The following ARMH3 variants were observed in gnomAD, a reference collection of about 807,000 sequenced individuals.
The protein encoded by ARMH3 is armadillo like helical domain containing 3.
A neutral mutation model predicts 99.1 loss-of-function variants in ARMH3; 60 were observed. That is an observed-to-expected ratio of 0.61 (90% confidence interval 0.49 to 0.75). The LOEUF is 0.75. Ranked by LOEUF, ARMH3 falls within the 30% of genes least tolerant of loss-of-function variation. The pLI, the probability that ARMH3 is intolerant of heterozygous loss-of-function variation, is 0.00. For synonymous variants in ARMH3, 285 were observed against 292.8 expected (o/e 0.97, Z 0.27); for missense variants, 679 against 843.1 (o/e 0.81, Z 2.41).
At chr10:101,942,091 A>C (rs1332411399) in intron 22 of ARMH3, among the ~76,000 whole-genome samples, 1 of 152,184 alleles carries the variant, frequency 6.6e-6, no homozygotes, top group East Asian at 1.9e-4. Context: ...TTTCCTTTGG[A>C]AACACCATTG....
intron 24 of ARMH3, among the ~76,000 whole-genome samples, chr10:101,880,242 T>G (rs759681085): frequency 6.6e-6 from 1 of 152,226 alleles, no homozygotes; most frequent in East Asian, 1.9e-4. Context: ...CTTCAGCACA[T>G]GTCTCTGCCA....
intron 1 of ARMH3, among the ~76,000 whole-genome samples, chr10:102,040,419 C>T (rs2067382779): frequency 6.6e-6 from 1 of 152,150 alleles, no homozygotes; most frequent in Non-Finnish European, 1.5e-5. Flanking sequence ...AACCTAAAAA[C>T]AGCTCTAAAA....
intron 23 of ARMH3, among the ~76,000 whole-genome samples, chr10:101,920,013 C>G (rs1843242915): frequency 6.6e-6 from 1 of 152,170 alleles, no homozygotes; most frequent in African/African-American, 2.4e-5. Context: ...CCAGCTAATC[C>G]TAGATCAGGC....
In ARMH3 at chr10:102,025,168, AAGG is replaced by A. The variant is rs1292844912; in HGVS notation, c.492_494del (p.Leu165del). The A allele has an allele frequency of 1.2e-6, 2 of 1,613,248 alleles. No individual in the cohort carries two copies. The highest frequency in any genetic ancestry group is 1.7e-6 in the Non-Finnish European group (2 of 1,179,418). ...ATAGGTCACTTACGGTCACTAAGCA[AAGG>A]AGAAGTTTCAGACATAAACTCTTCA... On this transcript the variant is annotated inframe_deletion, in exon 6 of 26. Transcript: ENST00000370033.
chr10:101,971,091 T>C (rs1198605519), intron 20 of ARMH3, among the ~76,000 whole-genome samples: 2 of 95,572 alleles, frequency 2.1e-5, no homozygotes, highest in Non-Finnish European at 1.9e-5. Flanking sequence ...AGTGAGACCG[T>C]CTCCAAAAAA....
intron 19 of ARMH3, among the ~76,000 whole-genome samples, chr10:101,985,215 T>C (rs1370890099): frequency 1.4e-4 from 20 of 147,518 alleles, no homozygotes; most frequent in Admixed American, 3.4e-4. Context: ...CGTATATATG[T>C]ATATATATAC....
intron 1 of ARMH3, among the ~76,000 whole-genome samples, chr10:102,042,154 C>G (rs930561632): frequency 6.6e-6 from 1 of 152,150 alleles, no homozygotes; most frequent in African/African-American, 2.4e-5. Flanking sequence ...AACATGTTGT[C>G]AAGAGGAAGA....
At chr10:102,041,090 A>ATT (rs1554897209) in intron 1 of ARMH3, among the ~76,000 whole-genome samples, 4 of 132,640 alleles carry the variant, frequency 3.0e-5, no homozygotes, top group East Asian at 2.1e-4. Flanking sequence ...ATATATATAT[A>ATT]ATATATATAT....
chr10:101,995,048 C>T (rs964429254), intron 16 of ARMH3, among the ~76,000 whole-genome samples: 1 of 152,268 alleles, frequency 6.6e-6, no homozygotes, highest in Admixed American at 6.5e-5. Flanking sequence ...AACAAACAAA[C>T]AAACAAACTG....
At chr10:102,036,643 G>A (rs1367554722) in intron 2 of ARMH3, among the ~76,000 whole-genome samples, 1 of 152,036 alleles carries the variant, frequency 6.6e-6, no homozygotes, top group African/African-American at 2.4e-5. Flanking sequence ...GGCGGTGCAA[G>A]ATGTGCTTTG....
intron 2 of ARMH3, among the ~76,000 whole-genome samples, chr10:102,037,566 T>C (rs556001041): frequency 2.6e-5 from 4 of 152,034 alleles, no homozygotes; most frequent in South Asian, 2.1e-4. Context: ...AAATTAATTA[T>C]TTATTTTATT....
chr10:102,012,723 G>C (rs951816076), intron 10 of ARMH3, 110 bp downstream of exon 10: 6 of 1,021,668 alleles, frequency 5.9e-6, no homozygotes, highest in Admixed American at 4.9e-5. Flanking sequence ...CTGTACATCT[G>C]AATACTCTTA....
At chr10:101,938,894 C>T (rs1024593308) in intron 23 of ARMH3, among the ~76,000 whole-genome samples, 1 of 152,208 alleles carries the variant, frequency 6.6e-6, no homozygotes, top group African/African-American at 2.4e-5. Context: ...CATCCCAGCC[C>T]TCTTAACACA....
intron 23 of ARMH3, among the ~76,000 whole-genome samples, chr10:101,909,414 CAAA>C (rs1232777837): frequency 1.1e-4 from 8 of 72,348 alleles, no homozygotes; most frequent in Non-Finnish European, 1.1e-4. Context: ...AACCCTATCT[CAAA>C]AAAAAAAAAA....
intron 24 of ARMH3, among the ~76,000 whole-genome samples, chr10:101,858,304 A>G (rs2066780857): frequency 6.6e-6 from 1 of 152,232 alleles, no homozygotes; most frequent in South Asian, 2.1e-4. Context: ...GCCTGGACTC[A>G]TATCCTATCT....
intron 20 of ARMH3, among the ~76,000 whole-genome samples, chr10:101,957,978 T>C (rs564016196): frequency 2.0e-5 from 3 of 152,326 alleles, no homozygotes; most frequent in African/African-American, 7.2e-5. Flanking sequence ...ACTTCTTAAA[T>C]AGCAATTAAG....
At chr10:102,045,679 T>A (rs1372311601) in intron 1 of ARMH3, among the ~76,000 whole-genome samples, 1 of 152,042 alleles carries the variant, frequency 6.6e-6, no homozygotes, top group Non-Finnish European at 1.5e-5. Flanking sequence ...ATAAGAAGAA[T>A]CCAAATATCC....
intron 2 of ARMH3, among the ~76,000 whole-genome samples, chr10:102,037,992 T>G (rs1361566776): frequency 6.6e-6 from 1 of 151,108 alleles, no homozygotes; most frequent in Non-Finnish European, 1.5e-5. Context: ...TGTCTACAAA[T>G]GAAACGGAGG....
At chr10:102,053,298 C>G (rs2067754476) in intron 1 of ARMH3, among the ~76,000 whole-genome samples, 1 of 151,694 alleles carries the variant, frequency 6.6e-6, no homozygotes, top group Non-Finnish European at 1.5e-5. Context: ...TAGCAGTTTC[C>G]CCACCACACA....
Sources: gnomAD v4.1 joint callset for allele counts (sites outside exome capture counted in the v4.1 genomes callset) on GRCh38, gnomAD v4.1.1 for gene constraint, MANE v1.5 for transcripts, NCBI Gene and HGNC (gene_info 2026-07-23, HGNC 2026-07-21) for gene names.